EYA2: variants seen among roughly 807,000 people sequenced by gnomAD.
The protein encoded by EYA2 is EYA transcriptional coactivator and phosphatase 2, also known as protein phosphatase EYA2.
Under a neutral mutation model 69.2 loss-of-function variants are expected in EYA2, and 31 were observed. That is an observed-to-expected ratio of 0.45 (90% CI 0.34 to 0.60). The LOEUF is 0.60. Among genes scored for constraint, EYA2 ranks in the 20% least tolerant of loss-of-function variants. The pLI is 0.02. For synonymous variants in EYA2, 257 were observed against 279.4 expected (o/e 0.92, Z 0.80); for missense variants, 622 against 701.2 (o/e 0.89, Z 1.28).
chr20:46,996,407 A>G (rs1982023978), intron 2 of EYA2, among the ~76,000 whole-genome samples: 1 of 151,996 alleles, frequency 6.6e-6, no homozygotes, highest in East Asian at 1.9e-4. Context: ...CTAAACTCTT[A>G]CTCCTCAAAG....
In EYA2 at chr20:47,149,009, G is replaced by A. The variant is rs141090043; in HGVS notation, c.978+5861G>A. ...CCCTGCCCTGTGAGAAGAAGAGATT[G>A]GGGAGGCCTGGCAGCCGAGACTGTG... is the stretch of plus-strand genomic sequence containing the variant. On this transcript the variant is annotated intron_variant, in intron 10 of 15. Transcript: ENST00000327619. 3.7e-3 allele frequency among the ~76,000 whole-genome samples: 565 copies of A among 152,198 alleles called. 10 individuals carry two copies. The highest frequency in any genetic ancestry group is 0.028 in the Admixed American group (427 of 15,290).
chr20:47,011,905 G>A (rs1281249843), intron 4 of EYA2, among the ~76,000 whole-genome samples: 1 of 152,358 alleles, frequency 6.6e-6, no homozygotes, highest in African/African-American at 2.4e-5. Flanking sequence ...AGGGAAAAGT[G>A]TGTGCCGCTG....
intron 10 of EYA2, chr20:47,161,496 A>C (rs2034065556): frequency 2.2e-6 from 1 of 448,590 alleles, no homozygotes; most frequent in Non-Finnish European, 4.4e-6. Flanking sequence ...CTCCTCCAGG[A>C]ACTTGATCTT....
intron 5 of EYA2, among the ~76,000 whole-genome samples, chr20:47,052,091 G>A (rs556864593): frequency 1.1e-4 from 16 of 152,140 alleles, no homozygotes; most frequent in East Asian, 1.9e-4. Context: ...AGCCTACCAC[G>A]TGCCTCCCAC....
chr20:47,165,067 T>C (rs986106533), intron 10 of EYA2, among the ~76,000 whole-genome samples: 1 of 152,232 alleles, frequency 6.6e-6, no homozygotes, highest in Non-Finnish European at 1.5e-5. Flanking sequence ...CATGTAGCTC[T>C]TGAGCACTTG....
At chr20:47,034,294 T>A (rs1984575646) in intron 5 of EYA2, among the ~76,000 whole-genome samples, 1 of 152,204 alleles carries the variant, frequency 6.6e-6, no homozygotes, top group East Asian at 1.9e-4. Flanking sequence ...GTAAAAACAG[T>A]GAATGATTAT....
chr20:46,957,922 T>C (rs546324846), intron 1 of EYA2, among the ~76,000 whole-genome samples: 1 of 152,302 alleles, frequency 6.6e-6, no homozygotes, highest in South Asian at 2.1e-4. Flanking sequence ...TGTCCCAAAC[T>C]ACATTCCCTG....
intron 1 of EYA2, among the ~76,000 whole-genome samples, chr20:46,944,463 G>C (rs2146266416): frequency 6.6e-6 from 1 of 152,262 alleles, no homozygotes; most frequent in Non-Finnish European, 1.5e-5. Flanking sequence ...AGGAGGATGT[G>C]AGGTGTGTGG....
chr20:47,157,224 G>A (rs2032021), intron 10 of EYA2, among the ~76,000 whole-genome samples: 89,636 of 151,176 alleles, frequency 0.59, 27,745 homozygotes, highest in African/African-American at 0.76. Context: ...GCATAGTGGT[G>A]CACGCTGTAG....
chr20:47,077,274 T>C (rs932378146), intron 7 of EYA2, among the ~76,000 whole-genome samples: 3 of 152,176 alleles, frequency 2.0e-5, no homozygotes, highest in Non-Finnish European at 2.9e-5. Context: ...GTATGTAACA[T>C]CCCTATGCAA....
At chr20:46,954,311 G>C (rs1012796058) in intron 1 of EYA2, among the ~76,000 whole-genome samples, 2 of 152,194 alleles carry the variant, frequency 1.3e-5, no homozygotes, top group African/African-American at 4.8e-5. Context: ...CTAGAACAAC[G>C]ATCGGCACAT....
chr20:46,952,565 G>C (rs1978869621), intron 1 of EYA2, among the ~76,000 whole-genome samples: 1 of 152,202 alleles, frequency 6.6e-6, no homozygotes, highest in Admixed American at 6.5e-5. Flanking sequence ...GTGAAGGGCA[G>C]AGCAAGCACC....
intron 1 of EYA2, among the ~76,000 whole-genome samples, chr20:46,981,322 T>G (rs990533096): frequency 1.3e-5 from 2 of 152,252 alleles, no homozygotes; most frequent in African/African-American, 4.8e-5. Flanking sequence ...TGCCTTGAGT[T>G]GCTTGTTCAC....
chr20:47,101,202 A>C (rs1276610695), intron 9 of EYA2, among the ~76,000 whole-genome samples: 1 of 152,110 alleles, frequency 6.6e-6, no homozygotes, highest in Admixed American at 6.5e-5. Flanking sequence ...CTCCCACCTG[A>C]GCTTCCTGAG....
intron 1 of EYA2, among the ~76,000 whole-genome samples, chr20:46,938,190 A>G (rs2146259487): frequency 6.6e-6 from 1 of 152,342 alleles, no homozygotes; most frequent in Admixed American, 6.5e-5. Context: ...ATGTACCAGT[A>G]TGGCACAGTG....
At chr20:47,145,380 C>T (rs1032874656) in intron 10 of EYA2, among the ~76,000 whole-genome samples, 1 of 152,062 alleles carries the variant, frequency 6.6e-6, no homozygotes, top group African/African-American at 2.4e-5. Context: ...AGCATGAAGG[C>T]CCCTGGGATC....
In EYA2 at chr20:47,169,101, T is replaced by TTC. The variant is rs35639959; in HGVS notation, c.979-18_979-17dup. 5,759 of 1,476,204 alleles carry TTC rather than the reference T, an allele frequency of 3.9e-3. 30 individuals are homozygous for TTC. Among genetic ancestry groups the TTC allele is most frequent in the African/African-American group, 0.034 (2,451 of 72,210 alleles). The allele number at this position is 1,476,204 out of a possible 1,614,324, so 91.4% of individuals were successfully genotyped here. ...GGCTACATCAGATTAACCAGGCATG[T>TTC]TCTCTCTCTCTCTCTCTCTCTGTCA... On this transcript the variant is annotated intron_variant, in intron 10 of 15. Coordinates refer to ENST00000327619, the MANE Select transcript of EYA2 (RefSeq NM_005244.5).
intron 10 of EYA2, among the ~76,000 whole-genome samples, chr20:47,146,323 T>C (rs1030551599): frequency 1.3e-5 from 2 of 152,166 alleles, no homozygotes; most frequent in African/African-American, 2.4e-5. Flanking sequence ...CTTGTGGATC[T>C]TGGTTGAACC....
chr20:47,149,006 A>T (rs2033764713), intron 10 of EYA2, among the ~76,000 whole-genome samples: 1 of 151,752 alleles, frequency 6.6e-6, no homozygotes, highest in Admixed American at 6.6e-5. Context: ...AGAAGAAGAG[A>T]TTGGGGAGGC....
Sources: allele counts gnomAD v4.1 joint callset (sites outside exome capture counted in the v4.1 genomes callset), GRCh38; gene constraint gnomAD v4.1.1; transcripts MANE v1.5; gene names NCBI Gene and HGNC (gene_info 2026-07-23, HGNC 2026-07-21).